The following ANO1 variants were observed in gnomAD, a reference collection of about 807,000 sequenced individuals.
ANO1 encodes the protein anoctamin-1.
In ANO1, 59 loss-of-function variants were observed where a neutral mutation model predicts 124.0. The observed-to-expected ratio is 0.48, with a 90% CI of 0.39 to 0.59. The LOEUF (loss-of-function observed/expected upper bound fraction) is 0.59. Among genes scored for constraint, ANO1 ranks in the 20% least tolerant of loss-of-function variants. The pLI is 0.00. For missense variants in ANO1, 1,059 were observed against 1,328.0 expected (o/e 0.80, Z 3.15); for synonymous variants, 529 against 532.0 (o/e 0.99, Z 0.08).
chr11:70,098,619 C>A (rs1205159607), intron 2 of ANO1, among the ~76,000 whole-genome samples: 1 of 152,128 alleles, frequency 6.6e-6, no homozygotes, highest in Non-Finnish European at 1.5e-5. Flanking sequence ...AAGCTCACCC[C>A]CTAGGAAGCC....
At position 70,083,815 on chromosome 11, in the gene ANO1, C is replaced by T. The variant is rs77984069; in HGVS notation, c.109-3937C>T. On this transcript the variant is annotated intron_variant, in intron 1 of 25. Coordinates refer to ENST00000355303, the MANE Select transcript of ANO1 (RefSeq NM_018043.7). ...TCTAGACAGTCCCTGGCCAGGCCTC[C>T]GGGGTCCTGCCATCCAGCTTTGGGG... Among the ~76,000 whole-genome samples, 819 of 152,280 alleles carry T rather than the reference C, an allele frequency of 5.4e-3. 7 individuals are homozygous for T. The highest frequency in any genetic ancestry group is 0.018 in the African/African-American group (741 of 41,548).
chr11:70,181,075 A>G (rs1161377275), intron 23 of ANO1, among the ~76,000 whole-genome samples: 2 of 152,144 alleles, frequency 1.3e-5, no homozygotes, highest in Non-Finnish European at 2.9e-5. Context: ...TGTCCCCAGT[A>G]CATACTTCAA....
At chr11:69,995,647 G>T (rs1856255502) in intron 1 of ANO1, among the ~76,000 whole-genome samples, 1 of 152,108 alleles carries the variant, frequency 6.6e-6, no homozygotes, top group Middle Eastern at 3.2e-3. Context: ...TCATTATTCA[G>T]CTGGGATTAT....
In ANO1 at chr11:70,138,368, G is replaced by T. The variant is rs535177102; in HGVS notation, c.1258+6289G>T. Among the ~76,000 whole-genome samples, 447 of 133,184 alleles carry T rather than the reference G, an allele frequency of 3.4e-3. 43 individuals are homozygous for T. The highest frequency in any genetic ancestry group is 6.3e-3 in the Admixed American group (81 of 12,920). The allele number at this position is 133,184 out of a possible 152,430, so 87.4% of individuals were successfully genotyped here. ...CTCAGAAAAAAAAAAAAAAAAAAAG[G>T]CTGGGCGCAGTGGCTCACGCCTGTA... On this transcript the variant is annotated intron_variant, in intron 11 of 25. Transcript: ENST00000355303.
At chr11:70,064,975 T>C (rs1168254367) in intron 1 of ANO1, 3 of 152,306 alleles carry the variant, frequency 2.0e-5, no homozygotes, top group South Asian at 2.1e-4. Flanking sequence ...CAGTCCTCAA[T>C]TGGTTTCCAT....
chr11:70,075,049 G>A (rs1046347641), upstream of ANO1: 3 of 152,236 alleles, frequency 2.0e-5, no homozygotes, highest in Non-Finnish European at 4.4e-5. Flanking sequence ...GTTGGTTAAT[G>A]GGGAGCGAGG....
At chr11:70,062,183 T>G (rs754365605) in intron 1 of ANO1, among the ~76,000 whole-genome samples, 30 of 149,144 alleles carry the variant, frequency 2.0e-4, no homozygotes, top group Non-Finnish European at 4.1e-4. Context: ...TTCAAGCGAT[T>G]CTCCTGCCTC....
chr11:70,035,521 T>TAC (rs1491542855), intron 1 of ANO1, among the ~76,000 whole-genome samples: 1 of 37,232 alleles, frequency 2.7e-5, no homozygotes, highest in East Asian at 5.4e-4. Flanking sequence ...AAGCTGTTGC[T>TAC]ATATATATAT....
Position 70,104,160 on chromosome 11 carries a change from G to T in ANO1, c.692+10G>T, listed in dbSNP as rs776474656. On this transcript the variant is annotated intron_variant, in intron 4 of 25. Coordinates refer to ENST00000355303, the MANE Select transcript of ANO1 (RefSeq NM_018043.7). ...GGGAGAAGCAGCATCTGTAAGTGGGGACCCCCAGCCTGCTCCCCAAAGGGT... is the reference window on the plus strand; with the variant it reads ...GGGAGAAGCAGCATCTGTAAGTGGGTACCCCCAGCCTGCTCCCCAAAGGGT... The T allele has an allele frequency of 6.2e-7, 1 of 1,609,756 alleles. No homozygotes were observed. The highest frequency in any genetic ancestry group is 8.5e-7 in the Non-Finnish European group (1 of 1,177,674).
At chr11:69,980,613 T>A in the ANO1 span, among the ~76,000 whole-genome samples, 4 of 150,980 alleles carry the variant, frequency 2.6e-5, no homozygotes, top group Non-Finnish European at 5.9e-5. Context: ...AGAGTAAGAC[T>A]GTCTCAAAAA....
intron 11 of ANO1, among the ~76,000 whole-genome samples, chr11:70,136,296 G>T (rs116129339): frequency 0.011 from 1,692 of 152,238 alleles, 37 homozygotes; most frequent in African/African-American, 0.037. Flanking sequence ...TCTCAAACTC[G>T]GTCCCACAGG....
At chr11:70,138,966 T>C (rs575438094) in intron 11 of ANO1, among the ~76,000 whole-genome samples, 2 of 152,060 alleles carry the variant, frequency 1.3e-5, no homozygotes, top group African/African-American at 2.4e-5. Context: ...CGGTGTCTCC[T>C]GTCCCCTGCT....
chr11:69,986,729 C>T (rs534176000), intron 1 of ANO1, among the ~76,000 whole-genome samples: 6 of 152,138 alleles, frequency 3.9e-5, no homozygotes, highest in East Asian at 3.9e-4. Context: ...CTTCCTCCCC[C>T]CTGGCTGCAC....
chr11:70,120,011 T>C (rs1327112887), intron 8 of ANO1, among the ~76,000 whole-genome samples: 2 of 152,052 alleles, frequency 1.3e-5, no homozygotes, highest in African/African-American at 2.4e-5. Context: ...TGGCTCCACA[T>C]CACAGCCTGG....
At position 69,987,533 on chromosome 11, in the gene ANO1, C is replaced by T. The variant is rs563307768; in HGVS notation, c.58+1367C>T. Among the ~76,000 whole-genome samples the T allele has an allele frequency of 2.6e-3, 376 of 146,400 alleles. 2 individuals carry two copies. Among genetic ancestry groups the T allele is most frequent in the Non-Finnish European group, 3.6e-3 (242 of 67,286 alleles). ...ACCTGAGGGGCTGAGGCAGGAGGAT[C>T]GCTTGAGCCCGCAGTGTGCCTAGAT... is the stretch of plus-strand genomic sequence containing the variant. On this transcript the variant is annotated intron_variant, in intron 1 of 27. Transcript: ENST00000531349.
rs371654309 is a variant in ANO1 at position 70,063,589 on chromosome 11, A to T, written c.59-14953A>T. 6.6e-5 allele frequency: 10 copies of T among 152,234 alleles called. No individual in the cohort carries two copies. In the East Asian group the frequency reaches 1.7e-3, roughly 26 times the overall value. 9.4% of individuals were successfully genotyped at this position (152,234 alleles called of 1,614,324 possible). On this transcript the variant is annotated intron_variant, in intron 1 of 27. Transcript: ENST00000531349. ...AAAAATGCCAAAAGCCCCTAAGAGGACCACTGTGATCCTCTGAAGATGGGG... is the reference window on the plus strand; with the variant it reads ...AAAAATGCCAAAAGCCCCTAAGAGGTCCACTGTGATCCTCTGAAGATGGGG...
In ANO1 at chr11:70,170,996, C is replaced by G. The variant is rs781603946; in HGVS notation, c.2307C>G (p.Val769=). The G allele has an allele frequency of 6.2e-7, 1 of 1,612,766 alleles. No individual in the cohort carries two copies. Among genetic ancestry groups the G allele is most frequent in the Non-Finnish European group, 8.5e-7 (1 of 1,179,388 alleles). The change falls in exon 22 of 26, where the codon GTC becomes GTG. Residue 769 remains valine (V), a synonymous_variant. Coordinates refer to ENST00000355303, the MANE Select transcript of ANO1 (RefSeq NM_018043.7). The part of the protein sequence containing the change: ...IEIRLDAKKF[V]TELRRPVAVR... ...TCCGCCTGGACGCCAAAAAGTTTGTCACTGAGCTCCGAAGGCCGGTAGCTG... is the reference window on the plus strand; with the variant it reads ...TCCGCCTGGACGCCAAAAAGTTTGTGACTGAGCTCCGAAGGCCGGTAGCTG...
intron 2 of ANO1, among the ~76,000 whole-genome samples, chr11:70,099,669 T>G (rs1245793979): frequency 6.6e-6 from 1 of 152,018 alleles, no homozygotes; most frequent in East Asian, 1.9e-4. Flanking sequence ...ACTGAGGAGG[T>G]GGCTTCAAGC....
At chr11:70,013,804 A>AAAAG (rs1856645816) in intron 1 of ANO1, among the ~76,000 whole-genome samples, 1 of 130,416 alleles carries the variant, frequency 7.7e-6, no homozygotes, top group Non-Finnish European at 1.6e-5. Context: ...TCCATCTAAA[A>AAAAG]AAAAGAAAAG....
Sources: gnomAD v4.1 joint callset for allele counts (sites outside exome capture counted in the v4.1 genomes callset) on GRCh38, gnomAD v4.1.1 for gene constraint, MANE v1.5 for transcripts, NCBI Gene and HGNC (gene_info 2026-07-23, HGNC 2026-07-21) for gene names.